SMARCAL1: variants seen among roughly 807,000 people sequenced by gnomAD.
SMARCAL1 encodes SNF2 related chromatin remodeling annealing helicase 1, also known as ATP-driven annealing helicase.
In SMARCAL1, 58 loss-of-function variants were observed where a neutral mutation model predicts 94.5. The ratio of observed to expected loss-of-function variants is 0.61; its 90% confidence interval spans 0.50 to 0.76. The LOEUF is 0.76. Ranked by LOEUF, SMARCAL1 falls within the 30% of genes least tolerant of loss-of-function variation. The probability of loss-of-function intolerance (pLI) is 0.00; values close to 1 mark genes in which losing one functional copy is unlikely to be tolerated. For synonymous variants in SMARCAL1, 422 were observed against 455.1 expected, an observed-to-expected ratio of 0.93 and a Z score of 0.93; for missense variants, 1,051 against 1,177.9, an observed-to-expected ratio of 0.89 and a Z score of 1.58.
chr2:216,439,990 C>T (rs927275556), intron 10 of SMARCAL1, among the ~76,000 whole-genome samples: 4 of 150,132 alleles, frequency 2.7e-5, no homozygotes, highest in African/African-American at 9.8e-5. Context: ...TGCAGTGAGC[C>T]GAGATTGTGC....
Position 216,414,721 on chromosome 2 carries a change from C to A in SMARCAL1, c.17C>A (p.Thr6Lys). 6.2e-7 allele frequency: 1 copy of A among 1,613,964 alleles called. No individual in the cohort carries two copies. Among genetic ancestry groups the A allele is most frequent in the African/African-American group, 1.3e-5 (1 of 75,052 alleles). MSLPL[T>K]EEQRKKIEEN... ...TCTGTGAAAATGTCCTTGCCTCTTA[C>A]AGAGGAGCAGAGGAAAAAGATTGAA... Residue 6 changes from threonine (T) to lysine (K), a missense_variant, in exon 3 of 18, where the codon ACA becomes AAA. This residue lies in a region of SMARCAL1 where 398 missense variants were observed against 395.2 expected (regional missense o/e 1.01). Coordinates refer to ENST00000357276, the MANE Select transcript of SMARCAL1 (RefSeq NM_014140.4).
chr2:216,478,772 A>G (rs1181710385), intron 17 of SMARCAL1, among the ~76,000 whole-genome samples: 1 of 152,222 alleles, frequency 6.6e-6, no homozygotes, highest in East Asian at 1.9e-4. Context: ...ACATGGCAGT[A>G]TAGTAGGTTT....
intron 4 of SMARCAL1, among the ~76,000 whole-genome samples, chr2:216,418,636 G>C (rs1000254471): frequency 1.3e-5 from 2 of 152,192 alleles, no homozygotes; most frequent in East Asian, 3.9e-4. Context: ...ATATTTTGAC[G>C]TGTGAAGAAG....
At chr2:216,479,370 G>A (rs944058095) in intron 17 of SMARCAL1, 1 of 151,850 alleles carries the variant, frequency 6.6e-6, no homozygotes, top group African/African-American at 2.4e-5. Flanking sequence ...AGGAGGTCAA[G>A]GCTGTAGTTA....
intron 2 of SMARCAL1, 101 bp from the exon 3 acceptor site, chr2:216,414,546 C>T (rs989651835): frequency 1.5e-6 from 1 of 686,810 alleles, no homozygotes; most frequent in Non-Finnish European, 2.6e-6. Flanking sequence ...TAGTTGTGCT[C>T]ATTATGCATT....
intron 14 of SMARCAL1, among the ~76,000 whole-genome samples, chr2:216,468,726 G>GTT (rs151292401): frequency 6.6e-6 from 1 of 151,964 alleles, no homozygotes; most frequent in Non-Finnish European, 1.5e-5. Flanking sequence ...TTATTTCAAG[G>GTT]TTTTTTTATT....
At chr2:216,430,428 C>T (rs2106030918) in intron 7 of SMARCAL1, among the ~76,000 whole-genome samples, 1 of 152,300 alleles carries the variant, frequency 6.6e-6, no homozygotes, top group East Asian at 1.9e-4. Flanking sequence ...CTTAGAAAGG[C>T]AGTCAGTTGC....
Position 216,415,285 on chromosome 2 carries a change from C to A in SMARCAL1, c.581C>A (p.Thr194Lys). The A allele has an allele frequency of 1.2e-6, 2 of 1,614,256 alleles. No homozygotes were observed. The highest frequency in any genetic ancestry group is 1.7e-6 in the Non-Finnish European group (2 of 1,180,038). Residue 194 changes from threonine to lysine, a missense_variant, in exon 3 of 18, where the codon ACA becomes AAA. Transcript: ENST00000357276. ...PPRDAKLEAK[T>K]AKASPSGQNI... ...AGGGATGCTAAGTTAGAGGCCAAGA[C>A]AGCAAAAGCCTCCCCTTCGGGGCAG... is the stretch of plus-strand genomic sequence containing the variant.
rs749148726 is a variant in SMARCAL1 at position 216,432,517 on chromosome 2, T to TTC, written c.1335-183_1335-182dup. ...ATTCCACATTTTTCCTTTTTGGGCTTTCTCTCTCTCTCTCTCTCTTTTTTA... is the reference window on the plus strand; with the variant it reads ...ATTCCACATTTTTCCTTTTTGGGCTTTCTCTCTCTCTCTCTCTCTCTTTTTTA... On this transcript the variant is annotated intron_variant, in intron 7 of 17. Transcript: ENST00000357276. Among the ~76,000 whole-genome samples the TTC allele has an allele frequency of 6.1e-4, 92 of 151,298 alleles. No individual in the cohort carries two copies. The South Asian group carries it at 6.9e-3, about 11-fold the overall frequency.
chr2:216,442,578 G>C lies in SMARCAL1; in HGVS notation c.1710+4093G>C, dbSNP rs191780886. ...TTCCATAAAATAACCTGCACCTATG[G>C]AAGTACGAGTGTGTGTGTTTCCTTT... On this transcript the variant is annotated intron_variant, in intron 10 of 17. Transcript: ENST00000357276. Among the ~76,000 whole-genome samples the C allele has an allele frequency of 7.6e-4, 115 of 152,236 alleles. 1 individual carries two copies. The highest frequency in any genetic ancestry group is 5.3e-3 in the Admixed American group (81 of 15,296).
chr2:216,433,057 C>T (rs183781137), intron 8 of SMARCAL1, among the ~76,000 whole-genome samples, 189 bp downstream of exon 8: 5 of 152,224 alleles, frequency 3.3e-5, no homozygotes, highest in Admixed American at 3.3e-4. Context: ...AATCAGGTTA[C>T]ACCTTGAGGG....
intron 14 of SMARCAL1, among the ~76,000 whole-genome samples, chr2:216,470,384 G>A (rs80164717): frequency 6.6e-6 from 1 of 151,876 alleles, no homozygotes; most frequent in African/African-American, 2.4e-5. Flanking sequence ...CAAACTCTAG[G>A]CCTCAAGTGA....
intron 17 of SMARCAL1, among the ~76,000 whole-genome samples, chr2:216,481,264 C>T (rs146838095): frequency 0.015 from 2,232 of 152,090 alleles, 64 homozygotes; most frequent in African/African-American, 0.052. Context: ...ACTATGCTGG[C>T]TCACTGCAAC....
chr2:216,444,382 G>A (rs929773394), intron 10 of SMARCAL1, among the ~76,000 whole-genome samples: 5 of 151,792 alleles, frequency 3.3e-5, no homozygotes, highest in African/African-American at 1.2e-4. Flanking sequence ...GCAAGTTACT[G>A]GCTCAATTGG....
chr2:216,462,289 G>A (rs1417375495), intron 12 of SMARCAL1, among the ~76,000 whole-genome samples: 1 of 152,008 alleles, frequency 6.6e-6, no homozygotes, highest in Non-Finnish European at 1.5e-5. Flanking sequence ...TAGGTGGGAG[G>A]GGTAGGCTCT....
intron 10 of SMARCAL1, among the ~76,000 whole-genome samples, chr2:216,444,931 C>G (rs2738283): frequency 0.012 from 1,805 of 152,312 alleles, 19 homozygotes; most frequent in Admixed American, 0.022. Flanking sequence ...TTTCCCACCC[C>G]CAACCCACGA....
chr2:216,424,909 T>C (rs931195195), intron 6 of SMARCAL1, among the ~76,000 whole-genome samples: 1 of 152,170 alleles, frequency 6.6e-6, no homozygotes, highest in African/African-American at 2.4e-5. Flanking sequence ...AGGGAATTAT[T>C]TGGCAAAATC....
At chr2:216,429,864 C>A (rs574979601) in intron 7 of SMARCAL1, among the ~76,000 whole-genome samples, 1 of 152,320 alleles carries the variant, frequency 6.6e-6, no homozygotes, top group Admixed American at 6.5e-5. Context: ...CTCTGCAAAA[C>A]CTCCTCTGGC....
intron 6 of SMARCAL1, among the ~76,000 whole-genome samples, chr2:216,425,747 G>T (rs1693819989): frequency 6.6e-6 from 1 of 152,212 alleles, no homozygotes; most frequent in Non-Finnish European, 1.5e-5. Flanking sequence ...ACATGTGGCT[G>T]AGTCCAGGGT....
Sources: allele counts gnomAD v4.1 joint callset (sites outside exome capture counted in the v4.1 genomes callset), GRCh38; gene constraint gnomAD v4.1.1; regional missense constraint gnomAD v4.1.1; transcripts MANE v1.5; gene names NCBI Gene and HGNC (gene_info 2026-07-23, HGNC 2026-07-21).